CDCA3: variants seen among roughly 807,000 people sequenced by gnomAD.
CDCA3 encodes the protein cell division cycle associated 3.
A neutral mutation model predicts 29.1 loss-of-function variants in CDCA3; 16 were observed. The ratio of observed to expected loss-of-function variants is 0.55; its 90% CI spans 0.37 to 0.83. The LOEUF is 0.83. Among genes scored for constraint, CDCA3 ranks in the 40% least tolerant of loss-of-function variants. The pLI is 0.00. For missense variants in CDCA3, 291 were observed against 327.2 expected (o/e 0.89, Z 0.85); for synonymous variants, 88 against 124.5 (o/e 0.71, Z 1.95).
downstream of CDCA3, chr12:6,845,167 C>T (rs1555124324): frequency 6.0e-6 from 1 of 167,358 alleles, no homozygotes; most frequent in Admixed American, 6.3e-5. Flanking sequence ...GTAGACTCTC[C>T]CTCCGTTTGA....
At chr12:6,844,916 T>C (rs1555124230), downstream of CDCA3, 2 of 152,272 alleles carry the variant, frequency 1.3e-5, no homozygotes, top group African/African-American at 4.8e-5. Context: ...TGTATGATTC[T>C]TAAGATCAGG....
chr12:6,845,391 C>A (rs1466967056), downstream of CDCA3: 3 of 594,326 alleles, frequency 5.0e-6, no homozygotes, highest in South Asian at 5.9e-5. Context: ...GCAGAGCGGG[C>A]GAGGGGCATA....
At chr12:6,846,804 G>T, downstream of CDCA3, 1 of 1,592,580 alleles carries the variant, frequency 6.3e-7, no homozygotes, top group Non-Finnish European at 8.6e-7. Flanking sequence ...ATCCTCTCTG[G>T]CCACGATAAC....
At chr12:6,848,776 G>C (rs982498333), downstream of CDCA3, 2 of 458,798 alleles carry the variant, frequency 4.4e-6, no homozygotes, top group Admixed American at 8.0e-5. Context: ...GGGAACGCAA[G>C]CTCTCTAGGC....
At chr12:6,845,547 A>C, downstream of CDCA3, 4 of 1,437,274 alleles carry the variant, frequency 2.8e-6, no homozygotes, top group Non-Finnish European at 3.9e-6. Flanking sequence ...TGGGCTGCCC[A>C]GGTCTGATCC....
At position 6,850,988 on chromosome 12, in the gene CDCA3, G is replaced by A. The variant is rs1222172901; in HGVS notation, c.-36C>T. On this transcript the variant is annotated 5_prime_UTR_variant, in exon 2 of 6. Transcript: ENST00000538862. The surrounding 1 kb of genome is among the most constrained non-coding windows in gnomAD (Gnocchi z 4.7). ...AGTTGCAGGGTGGGGGCAAGGGCCA[G>A]CCCGGGACGAGGAGGGAATGCCTGT... 2 of 1,592,334 alleles carry A rather than the reference G, an allele frequency of 1.3e-6. No individual in the cohort carries two copies. The highest frequency in any genetic ancestry group is 1.7e-6 in the Non-Finnish European group (2 of 1,174,072).
rs1269715708 is a variant in CDCA3, at chr12:6,850,271, G to A, written c.250+196C>T. ...GGGCTCAAGCGATCTGACCACCCCG[G>A]CCTTCCAACGTGCTGGGATTACAGG... On this transcript the variant is annotated intron_variant, in intron 3 of 5. Transcript: ENST00000538862. This position sits in a 1 kb window ranked among gnomAD's most constrained non-coding sequence, Gnocchi z 4.7. The A allele has an allele frequency of 7.4e-6, 5 of 680,150 alleles. No homozygotes were observed. In the East Asian group the frequency reaches 1.1e-4, roughly 15 times the overall value. The allele number at this position is 680,150 out of a possible 1,614,324, so 42.1% of individuals were successfully genotyped here.
Position 6,850,179 on chromosome 12 carries a change from G to T in CDCA3, c.250+288C>A. On this transcript the variant is annotated intron_variant, in intron 3 of 5. Transcript: ENST00000538862. This position sits in a 1 kb window ranked among gnomAD's most constrained non-coding sequence, Gnocchi z 4.7. ...CGTGCTTTTGTGTGTGTGTGTGTGT[G>T]TTATGTGTGTGTATTTTTTCTAGAG... is the stretch of plus-strand genomic sequence containing the variant. 1 of 514,356 alleles carries T rather than the reference G, an allele frequency of 1.9e-6. No individual in the cohort carries two copies. Among genetic ancestry groups the T allele is most frequent in the South Asian group, 2.3e-5 (1 of 43,758 alleles). The allele number at this position is 514,356 out of a possible 1,614,324, so 31.9% of individuals were successfully genotyped here.
chr12:6,850,974 G>C lies in CDCA3; in HGVS notation c.-22C>G, dbSNP rs1555126375. 6.2e-7 allele frequency: 1 copy of C among 1,601,980 alleles called. No individual in the cohort carries two copies. The highest frequency in any genetic ancestry group is 8.5e-7 in the Non-Finnish European group (1 of 1,177,930). On this transcript the variant is annotated 5_prime_UTR_variant, in exon 2 of 6. Coordinates refer to ENST00000538862, the MANE Select transcript of CDCA3 (RefSeq NM_031299.7). The surrounding 1 kb of genome is among the most constrained non-coding windows in gnomAD (Gnocchi z 4.7). ...CCATCTCAACCAGGAGTTGCAGGGT[G>C]GGGGCAAGGGCCAGCCCGGGACGAG...
chr12:6,850,906 G>T lies in CDCA3; in HGVS notation c.47C>A (p.Pro16Gln). 5 of 1,613,270 alleles carry T rather than the reference G, an allele frequency of 3.1e-6. No individual in the cohort carries two copies. Among genetic ancestry groups the T allele is most frequent in the Non-Finnish European group, 4.2e-6 (5 of 1,179,862 alleles). ...CACTCGAGCCAGATGCTTGTTGTGCGGCGGAGGCCGCGCTGGTGTGACTGG... is the reference window on the plus strand; with the variant it reads ...CACTCGAGCCAGATGCTTGTTGTGCTGCGGAGGCCGCGCTGGTGTGACTGG... ...SVPVTPARPP[P>Q]HNKHLARVAD... The change falls in exon 2 of 6, where the codon CCG (proline) becomes CAG (glutamine). Residue 16 changes from proline to glutamine, a missense_variant. Pro to Gln is a moderately conservative substitution (Grantham distance 76). Coordinates refer to ENST00000538862, the MANE Select transcript of CDCA3 (RefSeq NM_031299.7). This position sits in a 1 kb window ranked among gnomAD's most constrained non-coding sequence, Gnocchi z 4.7.
rs782375921 is a variant in CDCA3, at chr12:6,849,052, C to T, written c.798G>A (p.Val266=). ...TGGGGCCATGCAGGGCCTAGCTCTC[C>T]ACCAAGGGAAAGTGCTGATTTTCCT... is the stretch of plus-strand genomic sequence containing the variant. ...HDKENQHFPL[V]ES Residue 266 remains valine (V), a synonymous_variant, in exon 6 of 6, where the codon GTG becomes GTA. Transcript: ENST00000538862. This position sits in a 1 kb window ranked among gnomAD's most constrained non-coding sequence, Gnocchi z 5.2. The T allele has an allele frequency of 8.7e-6, 9 of 1,030,180 alleles. No individual in the cohort carries two copies. Among genetic ancestry groups the T allele is most frequent in the Admixed American group, 6.7e-5 (4 of 59,298 alleles). The allele number at this position is 1,030,180 out of a possible 1,614,324, so 63.8% of individuals were successfully genotyped here. A position where few individuals can be genotyped will look rare whatever the true frequency, so the allele number is the denominator to read the frequency against.
chr12:6,849,772 G>T lies in CDCA3; in HGVS notation c.337C>A (p.Pro113Thr). ...KSNLPPEPVL[P>T]PEAPLSSELD... is the part of the protein sequence containing the mutation. The stretch of plus-strand genomic sequence containing the variant: ...TCAGAAGATAAAGGTGCCTCTGGGG[G>T]CAGAACAGGCTCTGGGGGAAGATTT... The change falls in exon 4 of 6, where the codon CCC becomes ACC. Residue 113 changes from proline to threonine, a missense_variant. Coordinates refer to ENST00000538862, the MANE Select transcript of CDCA3 (RefSeq NM_031299.7). The surrounding 1 kb of genome is among the most constrained non-coding windows in gnomAD (Gnocchi z 5.2). 6.2e-7 allele frequency: 1 copy of T among 1,607,010 alleles called. No homozygotes were observed. The highest frequency in any genetic ancestry group is 1.1e-5 in the South Asian group (1 of 90,500).
chr12:6,845,315 T>C, downstream of CDCA3: 1 of 445,046 alleles, frequency 2.2e-6, no homozygotes, highest in Non-Finnish European at 4.1e-6. Flanking sequence ...GCCGGGTCAC[T>C]GCAGGCAAGC....
At chr12:6,845,515 A>G, downstream of CDCA3, 1 of 1,013,208 alleles carries the variant, frequency 9.9e-7, no homozygotes, top group Non-Finnish European at 1.5e-6. Context: ...GTCAGGTGGG[A>G]GGCAGAGGGC....
In CDCA3 at chr12:6,850,619, C is replaced by T. The variant is rs782098205; in HGVS notation, c.121-23G>A. The T allele has an allele frequency of 1.9e-6, 3 of 1,614,006 alleles. No individual in the cohort carries two copies. Among genetic ancestry groups the T allele is most frequent in the Non-Finnish European group, 2.5e-6 (3 of 1,179,960 alleles). On this transcript the variant is annotated intron_variant, in intron 2 of 5. Transcript: ENST00000538862. This position sits in a 1 kb window ranked among gnomAD's most constrained non-coding sequence, Gnocchi z 4.7. ...CACCTGTCAAGACCATAGGCTAGAA[C>T]AAGTCTGGGCCCTGACTCTTCTCTC...
downstream of CDCA3, chr12:6,846,644 C>A (rs1415460248): frequency 3.4e-5 from 21 of 611,998 alleles, no homozygotes; most frequent in Non-Finnish European, 5.4e-5. Flanking sequence ...TACACACACC[C>A]ACACATGCAT....
downstream of CDCA3, among the ~76,000 whole-genome samples, chr12:6,847,855 A>T (rs1943736963): frequency 6.6e-6 from 1 of 152,222 alleles, no homozygotes; most frequent in Non-Finnish European, 1.5e-5. Context: ...GCAGGTGGCA[A>T]GAAATGCAAG....
chr12:6,847,880 G>C (rs1943737718), downstream of CDCA3, among the ~76,000 whole-genome samples: 1 of 152,192 alleles, frequency 6.6e-6, no homozygotes, highest in Non-Finnish European at 1.5e-5. Context: ...ACAGGACAGA[G>C]GGGTTAGGGA....
In CDCA3 at chr12:6,850,359, C is replaced by A; in HGVS notation, c.250+108G>T. The A allele has an allele frequency of 7.2e-7, 1 of 1,397,802 alleles. No individual in the cohort carries two copies. 86.6% of individuals were successfully genotyped at this position (1,397,802 alleles called of 1,614,324 possible). A position where few individuals can be genotyped will look rare whatever the true frequency, so the allele number is the denominator to read the frequency against. ...AGATAAGAGTGAGATGGGTCCGAAGCAGGAGGATAGAGGCCCCTTTAAGGA... is the reference window on the plus strand; with the variant it reads ...AGATAAGAGTGAGATGGGTCCGAAGAAGGAGGATAGAGGCCCCTTTAAGGA... On this transcript the variant is annotated intron_variant, in intron 3 of 5. Transcript: ENST00000538862. The surrounding 1 kb of genome is among the most constrained non-coding windows in gnomAD (Gnocchi z 4.7).
Sources: allele counts gnomAD v4.1 joint callset (sites outside exome capture counted in the v4.1 genomes callset), GRCh38; gene constraint gnomAD v4.1.1; non-coding constraint Gnocchi (gnomAD v3.1); transcripts MANE v1.5; gene names NCBI Gene and HGNC (gene_info 2026-07-23, HGNC 2026-07-21).